The following RNF169 variants were observed in gnomAD, a reference collection of about 807,000 sequenced individuals.
The protein encoded by RNF169 is E3 ubiquitin-protein ligase RNF169.
In RNF169, 24 loss-of-function variants were observed where a neutral mutation model predicts 53.9. That is an observed-to-expected ratio of 0.45 (90% CI 0.32 to 0.63). The LOEUF (loss-of-function observed/expected upper bound fraction) is 0.63. Among genes scored for constraint, RNF169 ranks in the 20% least tolerant of loss-of-function variants. The pLI, the probability that RNF169 is intolerant of heterozygous loss-of-function variation, is 0.04. For missense variants in RNF169, 883 were observed against 906.2 expected, an observed-to-expected ratio of 0.97 and a Z score of 0.33; for synonymous variants, 396 against 363.5, an observed-to-expected ratio of 1.09 and a Z score of -1.02.
chr11:74,757,851 T>G lies in RNF169; in HGVS notation c.502+8469T>G, dbSNP rs1161218039. ...CCCACTTTTTGATGGGGTTGTTTGTTTTTTTCTTGTAAATTTGTTTGAGTT... is the reference window on the plus strand; with the variant it reads ...CCCACTTTTTGATGGGGTTGTTTGTGTTTTTCTTGTAAATTTGTTTGAGTT... On this transcript the variant is annotated intron_variant, in intron 1 of 5. Coordinates refer to ENST00000299563, the MANE Select transcript of RNF169 (RefSeq NM_001098638.2). 7.4e-5 allele frequency among the ~76,000 whole-genome samples: 4 copies of G among 54,232 alleles called. 1 individual carries two copies. Among genetic ancestry groups the G allele is most frequent in the Non-Finnish European group, 5.8e-5 (2 of 34,744 alleles). The allele number at this position is 54,232 out of a possible 152,430, so 35.6% of individuals were successfully genotyped here.
chr11:74,789,568 C>A (rs1175382866), intron 1 of RNF169, 58 bp from the exon 2 acceptor site: 1 of 1,071,286 alleles, frequency 9.3e-7, no homozygotes, highest in Non-Finnish European at 1.4e-6. Context: ...TATTGTGCCT[C>A]CTGTGGGTCT....
At chr11:74,776,528 A>AT (rs1400982889) in intron 1 of RNF169, among the ~76,000 whole-genome samples, 1 of 151,776 alleles carries the variant, frequency 6.6e-6, no homozygotes, top group Non-Finnish European at 1.5e-5. Flanking sequence ...AAAAAAAAAA[A>AT]AAAAAATTTA....
At chr11:74,810,438 T>A in intron 3 of RNF169, 108 bp downstream of exon 3, 1 of 982,264 alleles carries the variant, frequency 1.0e-6, no homozygotes, top group Non-Finnish European at 1.6e-6. Context: ...CCAGTAACAG[T>A]CAGTGACTGT....
intron 4 of RNF169, among the ~76,000 whole-genome samples, chr11:74,822,716 G>A (rs1442271222): frequency 6.6e-6 from 1 of 152,204 alleles, no homozygotes; most frequent in Non-Finnish European, 1.5e-5. Context: ...TAGAGTCTCT[G>A]TGTGGATTAA....
chr11:74,821,734 T>A (rs973212369), intron 4 of RNF169, among the ~76,000 whole-genome samples: 6 of 149,386 alleles, frequency 4.0e-5, no homozygotes, highest in Admixed American at 2.0e-4. Context: ...ATAAAATACA[T>A]GAGTAGTTCC....
At position 74,810,207 on chromosome 11, in the gene RNF169, G is replaced by T. The variant is rs754678895; in HGVS notation, c.600G>T (p.Glu200Asp). ...LRKLREEKLQ[E>D]EKPSEDQIHK... ...AGCTGAGAGAAGAAAAGTTACAAGA[G>T]GAAAAACCCTCTGAAGATCAAATCC... Residue 200 changes from glutamate to aspartate, a missense_variant, in exon 3 of 6, where the codon GAG becomes GAT. Glu to Asp is a conservative substitution (Grantham distance 45). Coordinates refer to ENST00000299563, the MANE Select transcript of RNF169 (RefSeq NM_001098638.2). 2 of 1,611,844 alleles carry T rather than the reference G, an allele frequency of 1.2e-6. No individual in the cohort carries two copies. The highest frequency in any genetic ancestry group is 2.2e-5 in the South Asian group (2 of 90,618).
chr11:74,781,297 GAGA>G (rs2035413757), intron 1 of RNF169, among the ~76,000 whole-genome samples: 1 of 152,226 alleles, frequency 6.6e-6, no homozygotes, highest in African/African-American at 2.4e-5. Flanking sequence ...CTGCCTATCA[GAGA>G]AGATGGTGGA....
chr11:74,833,509 T>C (rs1335365212), intron 4 of RNF169, among the ~76,000 whole-genome samples: 1 of 152,206 alleles, frequency 6.6e-6, no homozygotes, highest in East Asian at 1.9e-4. Context: ...TCCCAGGTTA[T>C]GAAGAACTCT....
chr11:74,784,617 T>G (rs2035462219), intron 1 of RNF169, among the ~76,000 whole-genome samples: 1 of 152,186 alleles, frequency 6.6e-6, no homozygotes, highest in African/African-American at 2.4e-5. Context: ...AGAGACTTAG[T>G]GATTGGGGTT....
intron 3 of RNF169, among the ~76,000 whole-genome samples, chr11:74,813,504 A>C (rs1267256038): frequency 5.9e-5 from 9 of 152,248 alleles, no homozygotes; most frequent in African/African-American, 2.2e-4. Context: ...AAGACTAGAA[A>C]ACAAAAAGGG....
At chr11:74,766,976 CAG>C in intron 1 of RNF169, among the ~76,000 whole-genome samples, 1 of 152,238 alleles carries the variant, frequency 6.6e-6, no homozygotes, top group East Asian at 1.9e-4. Flanking sequence ...CTCATGAACA[CAG>C]ATTTTTATTT....
rs397812899 is a variant in RNF169, at chr11:74,774,357, A to AC, written c.503-15266dup. Among the ~76,000 whole-genome samples the AC allele has an allele frequency of 2.7e-5, 4 of 150,774 alleles. No homozygotes were observed. The East Asian group carries it at 7.8e-4, about 29-fold the overall frequency. On this transcript the variant is annotated intron_variant, in intron 1 of 5. Coordinates refer to ENST00000299563, the MANE Select transcript of RNF169 (RefSeq NM_001098638.2). ...TGAGACCCTGTTTCAAAAAAAAAAA[A>AC]CCCAAAAAAACAAGAAACAAACAAA...
chr11:74,748,861 C>T lies in RNF169; in HGVS notation c.-20C>T. ...ACTCTTCTCCCTCGCAACCGACTCT[C>T]CCTTCAAACGGGAAACAAGATGGCG... On this transcript the variant is annotated 5_prime_UTR_variant, in exon 1 of 6. Transcript: ENST00000299563. The T allele has an allele frequency of 7.2e-7, 1 of 1,388,856 alleles. No individual in the cohort carries two copies. Among genetic ancestry groups the T allele is most frequent in the Non-Finnish European group, 9.4e-7 (1 of 1,059,562 alleles). 86.0% of individuals were successfully genotyped at this position (1,388,856 alleles called of 1,614,324 possible).
chr11:74,824,376 A>G (rs2036062152), intron 4 of RNF169, among the ~76,000 whole-genome samples: 2 of 152,228 alleles, frequency 1.3e-5, no homozygotes, highest in Non-Finnish European at 2.9e-5. Flanking sequence ...AAATCTGTGA[A>G]ACACCATTAA....
chr11:74,796,954 G>A (rs1333498963), intron 2 of RNF169, among the ~76,000 whole-genome samples: 1 of 152,232 alleles, frequency 6.6e-6, no homozygotes, highest in African/African-American at 2.4e-5. Context: ...TTGGCCTCAA[G>A]TAATCTTCCT....
In RNF169 at chr11:74,837,121, C is replaced by T. The variant is rs2036269139; in HGVS notation, c.*391C>T. ...CAGCCTTGCAGATAAAAATTAATTC[C>T]ATCTTTTTCAGACAAGTGAACAATT... On this transcript the variant is annotated 3_prime_UTR_variant, in exon 6 of 6. Coordinates refer to ENST00000299563, the MANE Select transcript of RNF169 (RefSeq NM_001098638.2). The T allele has an allele frequency of 6.2e-6, 1 of 160,430 alleles. No homozygotes were observed. Among genetic ancestry groups the T allele is most frequent in the Admixed American group, 6.2e-5 (1 of 16,236 alleles). The allele number at this position is 160,430 out of a possible 1,614,324, so 9.9% of individuals were successfully genotyped here.
intron 4 of RNF169, among the ~76,000 whole-genome samples, chr11:74,822,898 CTG>C (rs1253224035): frequency 6.6e-6 from 1 of 152,042 alleles, no homozygotes; most frequent in Non-Finnish European, 1.5e-5. Flanking sequence ...ATGCCAGGCA[CTG>C]TGTTAGGGTT....
Position 74,834,687 on chromosome 11 carries a change from C to T in RNF169, c.854C>T (p.Ser285Phe). The stretch of plus-strand genomic sequence containing the variant: ...TTATTCTTTTTTAGGAAGCTAAACT[C>T]CAAGGTGGAAAGGAGTCAGAGCTGT... ...SLAFLAGKLN[S>F]KVERSQSCSD... is the part of the protein sequence containing the mutation. The change falls in exon 5 of 6, where the codon TCC becomes TTC. Residue 285 changes from serine (S) to phenylalanine (F), a missense_variant. By Grantham distance (155) the Ser-to-Phe change is radical. Coordinates refer to ENST00000299563, the MANE Select transcript of RNF169 (RefSeq NM_001098638.2). 6.2e-7 allele frequency: 1 copy of T among 1,611,168 alleles called. No individual in the cohort carries two copies. The highest frequency in any genetic ancestry group is 8.5e-7 in the Non-Finnish European group (1 of 1,179,010).
intron 1 of RNF169, among the ~76,000 whole-genome samples, chr11:74,774,437 G>A (rs1349953395): frequency 6.6e-6 from 1 of 151,918 alleles, no homozygotes; most frequent in African/African-American, 2.4e-5. Context: ...AATAAGGCTA[G>A]TATTAGATAT....
Sources: allele counts gnomAD v4.1 joint callset (sites outside exome capture counted in the v4.1 genomes callset), GRCh38; gene constraint gnomAD v4.1.1; transcripts MANE v1.5; gene names NCBI Gene and HGNC (gene_info 2026-07-23, HGNC 2026-07-21).